The following CALN1 variants were observed in gnomAD, a reference collection of about 807,000 sequenced individuals.
The protein encoded by CALN1 is calneuron 1.
In CALN1, 17 loss-of-function variants were observed where a neutral mutation model predicts 30.6. The ratio of observed to expected loss-of-function variants is 0.56; its 90% CI spans 0.38 to 0.83. The LOEUF (loss-of-function observed/expected upper bound fraction) is 0.83, where lower values mean the gene tolerates loss of function less well. Among genes scored for constraint, CALN1 ranks in the 40% least tolerant of loss-of-function variants. CALN1 has a pLI of 0.00. For missense variants in CALN1, 291 were observed against 354.9 expected, an observed-to-expected ratio of 0.82 and a Z score of 1.45; for synonymous variants, 156 against 131.4, an observed-to-expected ratio of 1.19 and a Z score of -1.28.
chr7:72,174,065 A>G (rs1380824829), intron 3 of CALN1, among the ~76,000 whole-genome samples: 1 of 152,154 alleles, frequency 6.6e-6, no homozygotes, highest in Non-Finnish European at 1.5e-5. Flanking sequence ...TAGTATATAT[A>G]AAGAATTTAT....
At chr7:71,972,000 A>AAAGAAAGAGAAAGG (rs1797862935) in intron 5 of CALN1, among the ~76,000 whole-genome samples, 2 of 146,922 alleles carry the variant, frequency 1.4e-5, no homozygotes, top group Admixed American at 7.0e-5. Context: ...AAAGAGAAAG[A>AAAGAAAGAGAAAGG]AAGAAAAAAA....
chr7:72,140,276 A>AGAGAG (rs1563091142), intron 3 of CALN1, among the ~76,000 whole-genome samples: 4 of 119,860 alleles, frequency 3.3e-5, no homozygotes, highest in Admixed American at 9.5e-5. Context: ...GTCTCAAAAT[A>AGAGAG]AGAGAGAGAG....
intron 5 of CALN1, among the ~76,000 whole-genome samples, chr7:71,847,740 A>C (rs1790364486): frequency 9.0e-6 from 1 of 111,606 alleles, no homozygotes; most frequent in African/African-American, 3.0e-5. Context: ...AAGAAAGAAG[A>C]AAGAAGAAGA....
At chr7:72,289,570 G>C (rs1430246057) in intron 2 of CALN1, among the ~76,000 whole-genome samples, 1 of 152,038 alleles carries the variant, frequency 6.6e-6, no homozygotes, top group African/African-American at 2.4e-5. Flanking sequence ...CCAATTCCAA[G>C]CTCCCAACAT....
At chr7:71,866,973 C>T (rs1791620804) in intron 5 of CALN1, among the ~76,000 whole-genome samples, 1 of 151,910 alleles carries the variant, frequency 6.6e-6, no homozygotes, top group South Asian at 2.1e-4. Context: ...AGTGAAACCC[C>T]GTCTCTACTA....
At chr7:71,885,127 C>A (rs1792821491) in intron 5 of CALN1, among the ~76,000 whole-genome samples, 5 of 152,138 alleles carry the variant, frequency 3.3e-5, no homozygotes, top group Admixed American at 3.3e-4. Context: ...AGTTGTCCTG[C>A]CTTTCTGGAC....
At chr7:72,392,844 AATT>A (rs1003717724) in intron 2 of CALN1, among the ~76,000 whole-genome samples, 4 of 151,084 alleles carry the variant, frequency 2.6e-5, no homozygotes, top group African/African-American at 7.3e-5. Context: ...TTAAAAAAAA[AATT>A]AATTAGCCAG....
chr7:72,228,666 G>A (rs1310265374), intron 3 of CALN1, among the ~76,000 whole-genome samples: 4 of 151,814 alleles, frequency 2.6e-5, no homozygotes, highest in African/African-American at 4.8e-5. Context: ...TAAAGGTGAC[G>A]ATGGAAAGAA....
At chr7:72,126,657 G>C (rs886825951) in intron 3 of CALN1, among the ~76,000 whole-genome samples, 3 of 151,884 alleles carry the variant, frequency 2.0e-5, no homozygotes, top group Admixed American at 1.3e-4. Flanking sequence ...TCATGTTTAT[G>C]CCTTTGCATC....
intron 4 of CALN1, among the ~76,000 whole-genome samples, chr7:72,086,081 T>TA (rs1437685536): frequency 6.6e-6 from 1 of 152,144 alleles, no homozygotes; most frequent in African/African-American, 2.4e-5. Flanking sequence ...CATTAAAATA[T>TA]AAAAGAATGG....
intron 2 of CALN1, among the ~76,000 whole-genome samples, chr7:72,361,698 G>A (rs1320477288): frequency 6.6e-6 from 1 of 152,174 alleles, no homozygotes; most frequent in East Asian, 1.9e-4. Context: ...AATGCCAACT[G>A]AGTAGTGGGG....
intron 2 of CALN1, among the ~76,000 whole-genome samples, chr7:72,371,073 G>A (rs1202640378): frequency 1.3e-5 from 2 of 151,362 alleles, no homozygotes; most frequent in Non-Finnish European, 2.9e-5. Context: ...AAAAGAGAGG[G>A]CTCTTAATTT....
intron 1 of CALN1, 143 bp downstream of exon 1, chr7:72,411,915 A>G (rs1585697762): frequency 6.6e-6 from 1 of 152,226 alleles, no homozygotes; most frequent in East Asian, 1.9e-4. Flanking sequence ...ATAAACCGAT[A>G]AAGAAAAAAT....
At chr7:72,446,347 G>C (rs929764053) in intron 1 of CALN1, among the ~76,000 whole-genome samples, 2 of 152,206 alleles carry the variant, frequency 1.3e-5, no homozygotes, top group African/African-American at 2.4e-5. Context: ...TGCCAGGCTA[G>C]AGCAGATTCC....
At chr7:72,499,891 TTCTTTCTTTCTTTCTTTCTTTCTATC>T in the CALN1 span, among the ~76,000 whole-genome samples, 4 of 56,090 alleles carry the variant, frequency 7.1e-5, no homozygotes, top group African/African-American at 3.7e-4. Flanking sequence ...CTTTCTTTCT[TTCTTTCTTTCTTTCTTTCTTTCTATC>T]TTTCTCTTTT....
At position 71,838,147 on chromosome 7, in the gene CALN1, C is replaced by T. The variant is rs533210030; in HGVS notation, c.502-27655G>A. On this transcript the variant is annotated intron_variant, in intron 5 of 6. Coordinates refer to ENST00000395275, the MANE Select transcript of CALN1 (RefSeq NM_031468.4). ...GAAAAGAGTTCCAGGAAGTAAAGTGCTCTTCAAAAAAAGGAAAAACTCTGC... is the reference window on the plus strand; with the variant it reads ...GAAAAGAGTTCCAGGAAGTAAAGTGTTCTTCAAAAAAAGGAAAAACTCTGC... Among the ~76,000 whole-genome samples the T allele has an allele frequency of 3.2e-4, 49 of 151,896 alleles. No homozygotes were observed. In the South Asian group the frequency reaches 9.0e-3, roughly 28 times the overall value.
At chr7:71,809,464 C>CAAAAA (rs10682965) in intron 6 of CALN1, among the ~76,000 whole-genome samples, 15,069 of 108,284 alleles carry the variant, frequency 0.14, 1,701 homozygotes, top group East Asian at 0.56. Context: ...TTTAAATGTT[C>CAAAAA]AAAAAAAAAA....
intron 2 of CALN1, among the ~76,000 whole-genome samples, chr7:72,379,011 G>GTT (rs1804733672): frequency 6.6e-6 from 1 of 152,164 alleles, no homozygotes; most frequent in South Asian, 2.1e-4. Context: ...ATTTTAGAAT[G>GTT]TTAAACCAAC....
intron 3 of CALN1, among the ~76,000 whole-genome samples, chr7:72,228,602 T>A (rs1397254745): frequency 1.3e-5 from 2 of 151,880 alleles, no homozygotes; most frequent in Non-Finnish European, 2.9e-5. Flanking sequence ...AGTTTCCTTA[T>A]CTGTAAACTG....
Sources: allele counts gnomAD v4.1 joint callset (sites outside exome capture counted in the v4.1 genomes callset), GRCh38; gene constraint gnomAD v4.1.1; transcripts MANE v1.5; gene names NCBI Gene and HGNC (gene_info 2026-07-23, HGNC 2026-07-21).